The following PRR16 variants were observed in gnomAD, a reference collection of about 807,000 sequenced individuals.
PRR16 encodes the protein proline rich 16.
In PRR16, 6 loss-of-function variants were observed where a neutral mutation model predicts 18.2. That is an observed-to-expected ratio of 0.33 (90% CI 0.18 to 0.65). PRR16 has a LOEUF of 0.65. Among genes scored for constraint, PRR16 ranks in the 30% least tolerant of loss-of-function variants. The probability of loss-of-function intolerance (pLI) is 0.74; values close to 1 mark genes in which losing one functional copy is unlikely to be tolerated. For missense variants in PRR16, 412 were observed against 376.6 expected (o/e 1.09, Z -0.78); for synonymous variants, 151 against 147.8 (o/e 1.02, Z -0.16).
the PRR16 span, among the ~76,000 whole-genome samples, chr5:120,704,702 C>T: frequency 6.6e-6 from 1 of 152,122 alleles, no homozygotes; most frequent in African/African-American, 2.4e-5. Flanking sequence ...ACAGTGCGCT[C>T]AGACATCAGT....
chr5:120,476,849 G>A lies in PRR16; in HGVS notation c.159+12204G>A, dbSNP rs547456688. On this transcript the variant is annotated intron_variant, in intron 1 of 1. Coordinates refer to ENST00000407149, the MANE Select transcript of PRR16 (RefSeq NM_001300783.2). ...AAAAAAAAACTTGGAAGAGTTCTCT[G>A]TATTTGCTGTCACCTATTTTTCCCT... Among the ~76,000 whole-genome samples the A allele has an allele frequency of 3.9e-5, 6 of 152,214 alleles. No individual in the cohort carries two copies. In the South Asian group the frequency reaches 6.2e-4, roughly 16 times the overall value.
intron 1 of PRR16, among the ~76,000 whole-genome samples, chr5:120,540,462 T>C (rs1017995809): frequency 6.6e-6 from 1 of 152,202 alleles, no homozygotes; most frequent in Non-Finnish European, 1.5e-5. Context: ...GGGCCTCTCT[T>C]AACCAGGTTC....
the PRR16 span, among the ~76,000 whole-genome samples, chr5:120,765,199 A>C: frequency 6.6e-6 from 1 of 152,090 alleles, no homozygotes; most frequent in Non-Finnish European, 1.5e-5. Context: ...CAATTGCATG[A>C]CCAGAAAATA....
intron 1 of PRR16, among the ~76,000 whole-genome samples, chr5:120,665,385 A>T (rs1185582644): frequency 2.6e-5 from 4 of 151,696 alleles, no homozygotes; most frequent in Non-Finnish European, 5.9e-5. Flanking sequence ...AGGTTGTGAA[A>T]ATTTTCTCCC....
intron 1 of PRR16, among the ~76,000 whole-genome samples, chr5:120,485,073 A>G (rs989532851): frequency 6.6e-6 from 1 of 152,016 alleles, no homozygotes; most frequent in African/African-American, 2.4e-5. Context: ...GTAGCTGATT[A>G]TCTGATTTTA....
chr5:120,484,436 CT>C (rs1749722896), intron 1 of PRR16, among the ~76,000 whole-genome samples: 1 of 141,208 alleles, frequency 7.1e-6, no homozygotes, highest in South Asian at 2.2e-4. Context: ...TAATATATAC[CT>C]TATATGTTAG....
At chr5:120,578,406 C>A (rs1417452332) in intron 1 of PRR16, among the ~76,000 whole-genome samples, 1 of 152,066 alleles carries the variant, frequency 6.6e-6, no homozygotes, top group African/African-American at 2.4e-5. Context: ...TCAACCTCCA[C>A]CCCCGAAAAG....
chr5:120,553,799 G>T (rs533656072), intron 1 of PRR16, among the ~76,000 whole-genome samples: 93 of 151,840 alleles, frequency 6.1e-4, no homozygotes, highest in Middle Eastern at 3.4e-3. Flanking sequence ...TTACAACTTG[G>T]TATATTATTA....
intron 1 of PRR16, among the ~76,000 whole-genome samples, chr5:120,530,534 A>G (rs145108566): frequency 2.0e-3 from 302 of 151,210 alleles, no homozygotes; most frequent in African/African-American, 6.6e-3. Flanking sequence ...TGTTTGCTTC[A>G]TTGTTTTCCT....
At chr5:120,479,288 A>G (rs2112808344) in intron 1 of PRR16, among the ~76,000 whole-genome samples, 1 of 152,240 alleles carries the variant, frequency 6.6e-6, no homozygotes, top group East Asian at 1.9e-4. Flanking sequence ...TGCGTTTTCA[A>G]TCTGTCCACT....
intron 1 of PRR16, among the ~76,000 whole-genome samples, chr5:120,521,531 A>C (rs530919277): frequency 1.3e-5 from 2 of 152,230 alleles, no homozygotes; most frequent in African/African-American, 4.8e-5. Flanking sequence ...GCACTTAATA[A>C]TTGTACATAT....
the PRR16 span, among the ~76,000 whole-genome samples, chr5:120,769,112 A>G: frequency 6.6e-6 from 1 of 151,438 alleles, no homozygotes; most frequent in Non-Finnish European, 1.5e-5. Context: ...AGGTTCATAC[A>G]CCTATTTAAT....
At chr5:120,779,724 C>T in the PRR16 span, among the ~76,000 whole-genome samples, 1 of 152,120 alleles carries the variant, frequency 6.6e-6, no homozygotes, top group African/African-American at 2.4e-5. Flanking sequence ...ATGGCACATG[C>T]TGATATTCTT....
Position 120,557,122 on chromosome 5 carries a change from TG to T in PRR16, c.159+92478del, listed in dbSNP as rs111519997. On this transcript the variant is annotated intron_variant, in intron 1 of 1. Transcript: ENST00000407149. The stretch of plus-strand genomic sequence containing the variant: ...AATTTCTTAATTTCTTGAAATCTGT[TG>T]AAGACAGGTGTTGTTTATGAAGAGG... 1.6e-3 allele frequency among the ~76,000 whole-genome samples: 242 copies of T among 152,040 alleles called. 1 individual carries two copies. Among genetic ancestry groups the T allele is most frequent in the African/African-American group, 5.3e-3 (222 of 41,526 alleles).
downstream of PRR16, among the ~76,000 whole-genome samples, chr5:120,689,046 TG>T (rs1226657341): frequency 2.0e-5 from 3 of 152,184 alleles, no homozygotes; most frequent in African/African-American, 7.2e-5. Context: ...GGCTTAGAAA[TG>T]TGAGTTAAAT....
intron 1 of PRR16, among the ~76,000 whole-genome samples, chr5:120,543,331 AT>A (rs1280347909): frequency 6.6e-6 from 1 of 151,972 alleles, no homozygotes; most frequent in African/African-American, 2.4e-5. Flanking sequence ...TCGTGGGGTT[AT>A]TTTCTTCCTT....
chr5:120,678,031 T>C (rs1334457895), intron 1 of PRR16, among the ~76,000 whole-genome samples: 2 of 145,590 alleles, frequency 1.4e-5, no homozygotes, highest in African/African-American at 5.1e-5. Context: ...TGCCTCAGCC[T>C]CCCGAATAGC....
intron 1 of PRR16, among the ~76,000 whole-genome samples, chr5:120,496,213 G>C (rs1050521067): frequency 3.3e-5 from 5 of 151,908 alleles, no homozygotes; most frequent in African/African-American, 1.2e-4. Flanking sequence ...AAGGATTTTT[G>C]TATCTGTAGA....
At chr5:120,665,497 G>A (rs2150141623) in intron 1 of PRR16, among the ~76,000 whole-genome samples, 1 of 152,062 alleles carries the variant, frequency 6.6e-6, no homozygotes, top group African/African-American at 2.4e-5. Context: ...TTTTGTTGCT[G>A]TTGCTTTTAG....
Sources: allele counts gnomAD v4.1 joint callset (sites outside exome capture counted in the v4.1 genomes callset), GRCh38; gene constraint gnomAD v4.1.1; transcripts MANE v1.5; gene names NCBI Gene and HGNC (gene_info 2026-07-23, HGNC 2026-07-21).